TMEM217B: variants seen among roughly 807,000 people sequenced by gnomAD.
TMEM217B encodes transmembrane protein 217B.
the TMEM217B span, among the ~76,000 whole-genome samples, chr6:37,232,631 G>A: frequency 1.3e-5 from 2 of 152,164 alleles, no homozygotes; most frequent in African/African-American, 4.8e-5. Context: ...GCTAGTCCAA[G>A]CCTTTGGTCC....
chr6:37,254,011 A>C, the TMEM217B span, among the ~76,000 whole-genome samples: 1 of 152,232 alleles, frequency 6.6e-6, no homozygotes, highest in Admixed American at 6.5e-5. Context: ...GGGGAAAGTA[A>C]AAACTTGCAG....
the TMEM217B span, chr6:37,212,933 A>G: frequency 6.5e-6 from 10 of 1,550,292 alleles, no homozygotes; most frequent in Non-Finnish European, 8.7e-6. Flanking sequence ...AGGACAGAGA[A>G]GATGCCCACC....
chr6:37,248,281 A>G, the TMEM217B span, among the ~76,000 whole-genome samples: 4 of 152,210 alleles, frequency 2.6e-5, no homozygotes, highest in Admixed American at 2.0e-4. Flanking sequence ...TGCTTAATAT[A>G]GTTTAGTGCC....
At chr6:37,250,802 A>G in the TMEM217B span, among the ~76,000 whole-genome samples, 1 of 152,138 alleles carries the variant, frequency 6.6e-6, no homozygotes, top group Non-Finnish European at 1.5e-5. Context: ...GATCTTTTCT[A>G]TTTCTGTCTA....
At chr6:37,214,419 G>T in the TMEM217B span, among the ~76,000 whole-genome samples, 1 of 152,108 alleles carries the variant, frequency 6.6e-6, no homozygotes, top group African/African-American at 2.4e-5. Flanking sequence ...GTAGAGACAG[G>T]TTTCACCATG....
chr6:37,236,529 G>A, the TMEM217B span, among the ~76,000 whole-genome samples: 17 of 152,054 alleles, frequency 1.1e-4, no homozygotes, highest in Non-Finnish European at 1.8e-4. Flanking sequence ...CCATTATAGG[G>A]AGGGTATCAA....
chr6:37,229,499 C>G, the TMEM217B span, among the ~76,000 whole-genome samples: 1 of 151,902 alleles, frequency 6.6e-6, no homozygotes, highest in Non-Finnish European at 1.5e-5. Flanking sequence ...CCCGCCACCA[C>G]GCCCGGCTAA....
the TMEM217B span, among the ~76,000 whole-genome samples, chr6:37,233,071 T>G: frequency 3.7e-3 from 559 of 152,312 alleles, 3 homozygotes; most frequent in African/African-American, 0.012. Context: ...GTTTGGAGCT[T>G]TAGTTGACAT....
the TMEM217B span, among the ~76,000 whole-genome samples, chr6:37,254,947 T>C: frequency 6.6e-6 from 1 of 152,192 alleles, no homozygotes; most frequent in Non-Finnish European, 1.5e-5. Context: ...CAATGCAACC[T>C]AGATCCCTTG....
chr6:37,233,719 C>G, the TMEM217B span, among the ~76,000 whole-genome samples: 2 of 152,200 alleles, frequency 1.3e-5, no homozygotes, highest in Non-Finnish European at 2.9e-5. Flanking sequence ...CATCACGTCT[C>G]CTTTGGACAA....
chr6:37,222,405 C>G, the TMEM217B span, among the ~76,000 whole-genome samples: 3 of 152,248 alleles, frequency 2.0e-5, no homozygotes, highest in Non-Finnish European at 4.4e-5. Flanking sequence ...GAGCAGACAT[C>G]CGGGAGCCTG....
At chr6:37,231,610 T>C in the TMEM217B span, among the ~76,000 whole-genome samples, 2 of 144,802 alleles carry the variant, frequency 1.4e-5, no homozygotes, top group African/African-American at 5.1e-5. Context: ...GAGGTGGGGT[T>C]GCGGTGAGCC....
the TMEM217B span, chr6:37,218,424 A>G: frequency 3.1e-6 from 5 of 1,593,518 alleles, no homozygotes; most frequent in Non-Finnish European, 4.3e-6. Flanking sequence ...CGATCCACCT[A>G]CCTCTGCCTC....
At chr6:37,243,024 A>G in the TMEM217B span, among the ~76,000 whole-genome samples, 6 of 152,326 alleles carry the variant, frequency 3.9e-5, no homozygotes, top group East Asian at 1.2e-3. Context: ...AGTTTCTGGC[A>G]AAGTTGAATG....
At chr6:37,243,886 G>C in the TMEM217B span, among the ~76,000 whole-genome samples, 1 of 152,170 alleles carries the variant, frequency 6.6e-6, no homozygotes, top group Non-Finnish European at 1.5e-5. Context: ...CTGGATGGGG[G>C]GGTGCACAGG....
At chr6:37,231,652 A>T in the TMEM217B span, among the ~76,000 whole-genome samples, 54 of 146,060 alleles carry the variant, frequency 3.7e-4, no homozygotes, top group Non-Finnish European at 6.2e-4. Flanking sequence ...AGCCTGGGCG[A>T]TAGAGTGAGA....
the TMEM217B span, among the ~76,000 whole-genome samples, chr6:37,241,443 C>T: frequency 6.6e-6 from 1 of 152,104 alleles, no homozygotes; most frequent in Admixed American, 6.6e-5. Context: ...GGGGACTGGA[C>T]CCTGAGCACT....
the TMEM217B span, chr6:37,218,851 G>A: frequency 2.0e-5 from 32 of 1,614,108 alleles, no homozygotes; most frequent in African/African-American, 2.1e-4. Flanking sequence ...TCCAGCAGAT[G>A]ATGAAGTTAT....
the TMEM217B span, chr6:37,257,831 TG>T: frequency 4.7e-6 from 7 of 1,478,276 alleles, no homozygotes; most frequent in South Asian, 8.6e-5. Flanking sequence ...GGAAGCGGCC[TG>T]GGTTGGCCCT....
Sources: allele counts gnomAD v4.1 joint callset (sites outside exome capture counted in the v4.1 genomes callset), GRCh38; gene constraint gnomAD v4.1.1; transcripts MANE v1.5; gene names NCBI Gene and HGNC (gene_info 2026-07-23, HGNC 2026-07-21).